AFF4: variants seen among roughly 807,000 people sequenced by gnomAD.
AFF4 encodes AF4/FMR2 family member 4.
A neutral mutation model predicts 124.8 loss-of-function variants in AFF4; 13 were observed. The observed-to-expected ratio is 0.10, with a 90% confidence interval of 0.07 to 0.17. AFF4 has a LOEUF of 0.17. Ranked by LOEUF, AFF4 falls within the 10% of genes least tolerant of loss-of-function variation. The pLI, the probability that AFF4 is intolerant of heterozygous loss-of-function variation, is 1.00. For missense variants in AFF4, 1,092 were observed against 1,403.8 expected, an observed-to-expected ratio of 0.78 and a Z score of 3.55; for synonymous variants, 477 against 496.1, an observed-to-expected ratio of 0.96 and a Z score of 0.51.
intron 6 of AFF4, among the ~76,000 whole-genome samples, chr5:132,903,369 T>G (rs1246504203): frequency 6.6e-6 from 1 of 152,184 alleles, no homozygotes; most frequent in Non-Finnish European, 1.5e-5. Context: ...GAAGATAAAC[T>G]AAGGATCAAA....
rs957116903 is a variant in AFF4 at position 132,876,921 on chromosome 5, A to G, written c.*4138T>C. Reference sequence around the variant, plus strand: ...GAAAAATTTGGCCTCTTCTCACTACATATTCCAAGGTATTCAATAATTATC... The same window carrying G: ...GAAAAATTTGGCCTCTTCTCACTACGTATTCCAAGGTATTCAATAATTATC... On this transcript the variant is annotated 3_prime_UTR_variant, in exon 21 of 21. Transcript: ENST00000265343. The G allele has an allele frequency of 5.0e-6, 1 of 198,856 alleles. No individual in the cohort carries two copies. Among genetic ancestry groups the G allele is most frequent in the East Asian group, 7.8e-5 (1 of 12,772 alleles). 12.3% of individuals were successfully genotyped at this position (198,856 alleles called of 1,614,324 possible). A position where few individuals can be genotyped will look rare whatever the true frequency, so the allele number is the denominator to read the frequency against.
chr5:132,954,154 T>C (rs1184027066), intron 1 of AFF4, among the ~76,000 whole-genome samples: 1 of 152,164 alleles, frequency 6.6e-6, no homozygotes, highest in East Asian at 1.9e-4. Context: ...GGGACCAGTT[T>C]CACAGACGAC....
At chr5:132,956,352 C>T (rs944978386) in intron 1 of AFF4, among the ~76,000 whole-genome samples, 8 of 152,050 alleles carry the variant, frequency 5.3e-5, no homozygotes, top group African/African-American at 1.4e-4. Flanking sequence ...GTTTCCTGGC[C>T]GGGCCCAGTG....
intron 1 of AFF4, among the ~76,000 whole-genome samples, chr5:132,955,777 C>CAA (rs1214913729): frequency 0.033 from 2,335 of 70,592 alleles, 51 homozygotes; most frequent in Middle Eastern, 0.046. Context: ...GATTCCATCT[C>CAA]AAAAAAAAAA....
At chr5:132,898,508 G>A in intron 9 of AFF4, 116 bp from the exon 10 acceptor site, 1 of 1,107,458 alleles carries the variant, frequency 9.0e-7, no homozygotes. Context: ...TTTTTAGACG[G>A]AGTCTTGCTC....
rs767060852 is a variant in AFF4, at chr5:132,878,956, A to G, written c.*2103T>C. On this transcript the variant is annotated 3_prime_UTR_variant, in exon 21 of 21. Transcript: ENST00000265343. ...GGAATCCAAGTCAGAAAAATCAGAG[A>G]AGGACAAGACATAACATGTATTTGA... 8 of 221,866 alleles carry G rather than the reference A, an allele frequency of 3.6e-5. No homozygotes were observed. Among genetic ancestry groups the G allele is most frequent in the East Asian group, 2.7e-4 (4 of 15,064 alleles). The allele number at this position is 221,866 out of a possible 1,614,324, so 13.7% of individuals were successfully genotyped here.
At chr5:132,894,531 T>C (rs1178287241) in intron 11 of AFF4, among the ~76,000 whole-genome samples, 1 of 152,184 alleles carries the variant, frequency 6.6e-6, no homozygotes, top group Non-Finnish European at 1.5e-5. Flanking sequence ...CCTATACAAA[T>C]GAATAAAGAC....
intron 1 of AFF4, among the ~76,000 whole-genome samples, chr5:132,961,336 C>T (rs959416864): frequency 2.0e-5 from 3 of 152,084 alleles, no homozygotes; most frequent in African/African-American, 7.2e-5. Context: ...CATGCCTCAG[C>T]CTCTCAAGTA....
At chr5:132,946,103 A>C (rs909207049) in intron 1 of AFF4, among the ~76,000 whole-genome samples, 16 of 152,344 alleles carry the variant, frequency 1.1e-4, no homozygotes, top group African/African-American at 3.8e-4. Flanking sequence ...AGTGAAAGAA[A>C]AAAACCCACA....
intron 4 of AFF4, among the ~76,000 whole-genome samples, chr5:132,929,942 A>G (rs1422814276): frequency 6.6e-6 from 1 of 152,200 alleles, no homozygotes; most frequent in African/African-American, 2.4e-5. Context: ...AAACGGGAAG[A>G]AAGGAATGGA....
At position 132,893,117 on chromosome 5, in the gene AFF4, T is replaced by C; in HGVS notation, c.2309A>G (p.Asn770Ser). ...VSNKGKRKHK[N>S]EDDNRASESK... ...CTCACTGGCTCGGTTATCATCTTCA[T>C]TCTAGATGAAAAATAGAAACCGTGG... Residue 770 changes from asparagine (N) to serine (S), a missense_variant and splice_region_variant, in exon 12 of 21, where the codon AAT becomes AGT. This residue lies in a region of AFF4 where 293 missense variants were observed against 280.2 expected (regional missense o/e 1.05). Transcript: ENST00000265343. The C allele has an allele frequency of 6.2e-7, 1 of 1,613,672 alleles. No individual in the cohort carries two copies. The highest frequency in any genetic ancestry group is 8.5e-7 in the Non-Finnish European group (1 of 1,179,570).
chr5:132,941,075 C>T (rs1368286082), intron 1 of AFF4, among the ~76,000 whole-genome samples: 1 of 151,574 alleles, frequency 6.6e-6, no homozygotes, highest in African/African-American at 2.4e-5. Flanking sequence ...AGTTATAGTG[C>T]TTATTCTCTA....
chr5:132,912,843 GAC>G (rs1268738346), intron 5 of AFF4, among the ~76,000 whole-genome samples: 1 of 144,970 alleles, frequency 6.9e-6, no homozygotes, highest in Non-Finnish European at 1.5e-5. Flanking sequence ...GATAGAGGCT[GAC>G]ACACACACAA....
chr5:132,900,841 T>A, intron 7 of AFF4: 4 of 975,148 alleles, frequency 4.1e-6, no homozygotes, highest in Non-Finnish European at 4.9e-6. Flanking sequence ...TAGGAAAATG[T>A]CTAATTTCTC....
intron 5 of AFF4, among the ~76,000 whole-genome samples, chr5:132,910,296 T>G (rs1270451880): frequency 6.6e-6 from 1 of 152,202 alleles, no homozygotes; most frequent in Non-Finnish European, 1.5e-5. Context: ...CTCCCCAATA[T>G]GATCCTAAAC....
rs754777537 is a variant in AFF4 at position 132,892,382 on chromosome 5, T to C, written c.2419A>G (p.Lys807Glu). The C allele has an allele frequency of 1.2e-6, 2 of 1,613,496 alleles. No homozygotes were observed. Among genetic ancestry groups the C allele is most frequent in the South Asian group, 1.1e-5 (1 of 91,074 alleles). ...NRESSKQSAA[K>E]EKDLLPSPAG... ...GGAGAAGGCAACAAATCCTTTTCTTTTGCAGCACTCTGCTTAGATGACCTG... is the reference window on the plus strand; with the variant it reads ...GGAGAAGGCAACAAATCCTTTTCTTCTGCAGCACTCTGCTTAGATGACCTG... Residue 807 changes from lysine (K) to glutamate (E), a missense_variant, in exon 13 of 21, where the codon AAA becomes GAA. By Grantham distance (56) the Lys-to-Glu change is moderately conservative (BLOSUM62 1). Around this residue, in one of 11 missense-constraint regions of AFF4, gnomAD observed 293 missense variants for 280.2 expected, o/e 1.05. Transcript: ENST00000265343.
chr5:132,954,789 C>T (rs1471939942), intron 1 of AFF4, among the ~76,000 whole-genome samples: 6 of 151,976 alleles, frequency 3.9e-5, no homozygotes, highest in African/African-American at 1.4e-4. Flanking sequence ...CCTCGTGATC[C>T]GCCCGCCTCG....
At chr5:132,955,859 T>C (rs1421835606) in intron 1 of AFF4, among the ~76,000 whole-genome samples, 6 of 146,064 alleles carry the variant, frequency 4.1e-5, no homozygotes, top group Non-Finnish European at 9.0e-5. Context: ...ATTACATAGA[T>C]TATATAGTAT....
intron 1 of AFF4, among the ~76,000 whole-genome samples, chr5:132,958,534 C>A (rs1204788850): frequency 6.9e-6 from 1 of 145,916 alleles, no homozygotes; most frequent in Non-Finnish European, 1.5e-5. Flanking sequence ...TAGATCACAA[C>A]TGGAGTGGGG....
Sources: allele counts gnomAD v4.1 joint callset (sites outside exome capture counted in the v4.1 genomes callset), GRCh38; gene constraint gnomAD v4.1.1; regional missense constraint gnomAD v4.1.1; transcripts MANE v1.5; gene names NCBI Gene and HGNC (gene_info 2026-07-23, HGNC 2026-07-21).